The following PDE1A variants were observed in gnomAD, a reference collection of about 807,000 sequenced individuals.
PDE1A encodes dual specificity calcium/calmodulin-dependent 3',5'-cyclic nucleotide phosphodiesterase 1A.
PDE1A carries 35 observed loss-of-function variants against 61.7 expected under a neutral mutation model. The ratio of observed to expected loss-of-function variants is 0.57; its 90% CI spans 0.43 to 0.75. The LOEUF is 0.75. Ranked by LOEUF, PDE1A falls within the 30% of genes least tolerant of loss-of-function variation. PDE1A has a pLI of 0.00. For synonymous variants in PDE1A, 232 were observed against 213.2 expected (o/e 1.09, Z -0.77); for missense variants, 597 against 630.6 (o/e 0.95, Z 0.57).
At chr2:182,586,420 C>A in the PDE1A span, among the ~76,000 whole-genome samples, 2 of 152,174 alleles carry the variant, frequency 1.3e-5, no homozygotes, top group East Asian at 3.9e-4. Context: ...CTGAATCATG[C>A]TTCTTGTTCC....
At chr2:182,192,966 T>A (rs993253530) in intron 10 of PDE1A, among the ~76,000 whole-genome samples, 6 of 152,170 alleles carry the variant, frequency 3.9e-5, no homozygotes, top group East Asian at 1.9e-4. Flanking sequence ...ACCAAAAAAA[T>A]TTCTATAGTT....
the PDE1A span, among the ~76,000 whole-genome samples, chr2:182,634,654 TTC>T: frequency 2.6e-5 from 4 of 152,208 alleles, no homozygotes; most frequent in African/African-American, 9.6e-5. Context: ...TGCAAAATCT[TTC>T]TTTCACATGG....
rs968615297 is a variant in PDE1A, at chr2:182,486,260, T to C, written c.101+36016A>G. Among the ~76,000 whole-genome samples the C allele has an allele frequency of 2.0e-5, 3 of 151,958 alleles. No homozygotes were observed. The South Asian group carries it at 6.2e-4, about 32-fold the overall frequency. Reference sequence around the variant, plus strand: ...ATGGGTTAATAAAAGAAGTGTAAAATTTGTACACTGACAATAATAAAATAT... The same window carrying C: ...ATGGGTTAATAAAAGAAGTGTAAAACTTGTACACTGACAATAATAAAATAT... On this transcript the variant is annotated intron_variant, in intron 2 of 14. Coordinates refer to the PDE1A transcript ENST00000410103.
chr2:182,545,388 T>G, the PDE1A span, among the ~76,000 whole-genome samples: 1 of 152,256 alleles, frequency 6.6e-6, no homozygotes, highest in Admixed American at 6.5e-5. Context: ...TGCTGTCCTC[T>G]GAGTTGTTGC....
chr2:182,612,169 A>T, the PDE1A span, among the ~76,000 whole-genome samples: 1 of 152,238 alleles, frequency 6.6e-6, no homozygotes. Context: ...CATTTATAGG[A>T]ATTTTATATT....
At chr2:182,415,520 A>T (rs539698562) in intron 1 of PDE1A, among the ~76,000 whole-genome samples, 2 of 152,308 alleles carry the variant, frequency 1.3e-5, no homozygotes, top group East Asian at 3.9e-4. Flanking sequence ...ATATCCTTCA[A>T]GATCTACATC....
chr2:182,232,585 C>A (rs1574091948), intron 4 of PDE1A, among the ~76,000 whole-genome samples: 1 of 152,150 alleles, frequency 6.6e-6, no homozygotes, highest in East Asian at 1.9e-4. Flanking sequence ...ACCAATGAAA[C>A]AGTTTTTGGT....
At chr2:182,212,834 C>T (rs1273063592) in intron 7 of PDE1A, among the ~76,000 whole-genome samples, 10 of 152,216 alleles carry the variant, frequency 6.6e-5, no homozygotes, top group South Asian at 2.1e-4. Flanking sequence ...GCAGGGAGGC[C>T]AGGGGAGGGG....
rs568784697 is a variant in PDE1A, at chr2:182,185,900, G to T, written c.1508C>A (p.Ala503Asp). 5.3e-5 allele frequency: 85 copies of T among 1,613,880 alleles called. No individual in the cohort carries two copies. The East Asian group carries it at 1.9e-3, about 36-fold the overall frequency. The change falls in exon 13 of 14, where the codon GCT (alanine) becomes GAT (aspartate). Residue 503 changes from alanine (A) to aspartate (D), a missense_variant. By Grantham distance (126) the Ala-to-Asp change is moderately radical. Transcript: ENST00000351439. ...CTCATAAACAACACTACCTTGTGCA[G>T]CTAACTCTTTCCACCTCTCTTTGTT... is the stretch of plus-strand genomic sequence containing the variant.
intron 3 of PDE1A, among the ~76,000 whole-genome samples, chr2:182,235,563 T>C (rs1437554787): frequency 6.6e-6 from 1 of 152,224 alleles, no homozygotes; most frequent in African/African-American, 2.4e-5. Context: ...AGAATCAATA[T>C]GATAGCCTAG....
intron 1 of PDE1A, among the ~76,000 whole-genome samples, chr2:182,332,525 G>A (rs1210793212): frequency 3.3e-5 from 5 of 152,070 alleles, no homozygotes; most frequent in South Asian, 4.1e-4. Context: ...TGTGACCTTC[G>A]CATGGGGTTT....
At chr2:182,252,192 T>A (rs537337362) in intron 2 of PDE1A, among the ~76,000 whole-genome samples, 8 of 152,342 alleles carry the variant, frequency 5.3e-5, no homozygotes, top group Non-Finnish European at 8.8e-5. Flanking sequence ...ACTAGTTAGG[T>A]ATTAGCCCAG....
intron 13 of PDE1A, among the ~76,000 whole-genome samples, chr2:182,158,100 G>A (rs1453200766): frequency 6.6e-6 from 1 of 152,224 alleles, no homozygotes; most frequent in East Asian, 1.9e-4. Flanking sequence ...TGTGGAGAGA[G>A]CTAGCTTCAT....
intron 13 of PDE1A, among the ~76,000 whole-genome samples, chr2:182,159,316 A>G (rs1265971165): frequency 1.3e-5 from 2 of 152,218 alleles, no homozygotes; most frequent in Admixed American, 1.3e-4. Context: ...ATAACTATAT[A>G]GAGTGAGCAG....
exon 6 of PDE1A, chr2:182,230,006 C>T (rs766601538): frequency 6.2e-7 from 1 of 1,608,742 alleles, no homozygotes; most frequent in South Asian, 1.1e-5. Flanking sequence ...ACTGTCTTAC[C>T]ATGATACCTG....
the PDE1A span, among the ~76,000 whole-genome samples, chr2:182,691,759 G>A: frequency 6.6e-6 from 1 of 151,778 alleles, no homozygotes; most frequent in Non-Finnish European, 1.5e-5. Flanking sequence ...CAGAATGGGA[G>A]AAAATTTTTA....
At chr2:182,433,409 A>G (rs1376574997) in intron 2 of PDE1A, among the ~76,000 whole-genome samples, 2 of 152,096 alleles carry the variant, frequency 1.3e-5, no homozygotes, top group Non-Finnish European at 2.9e-5. Flanking sequence ...GGCAGAAGAA[A>G]TGCTTTCTTA....
intron 1 of PDE1A, among the ~76,000 whole-genome samples, chr2:182,289,024 T>C (rs1262084873): frequency 2.0e-5 from 3 of 152,028 alleles, no homozygotes; most frequent in Non-Finnish European, 4.4e-5. Flanking sequence ...TTCCTTTTGC[T>C]ATACCACTCT....
intron 2 of PDE1A, among the ~76,000 whole-genome samples, chr2:182,486,089 T>G (rs1465369777): frequency 1.3e-5 from 2 of 152,028 alleles, no homozygotes; most frequent in African/African-American, 4.8e-5. Context: ...GACTAGATAC[T>G]ATTAAATGAA....
Sources: gnomAD v4.1 joint callset for allele counts (sites outside exome capture counted in the v4.1 genomes callset) on GRCh38, gnomAD v4.1.1 for gene constraint, MANE v1.5 for transcripts, NCBI Gene and HGNC (gene_info 2026-07-23, HGNC 2026-07-21) for gene names.